ARHGAP15: variants seen among roughly 807,000 people sequenced by gnomAD.
ARHGAP15 encodes the protein Rho GTPase activating protein 15.
In ARHGAP15, 51 loss-of-function variants were observed where a neutral mutation model predicts 63.7. The observed-to-expected ratio is 0.80, with a 90% CI of 0.64 to 1.01. The LOEUF (loss-of-function observed/expected upper bound fraction) is 1.01, where lower values mean the gene tolerates loss of function less well. ARHGAP15 is among the 50% of genes least tolerant of loss of function. ARHGAP15 has a pLI of 0.00. For synonymous variants in ARHGAP15, 191 were observed against 193.8 expected (o/e 0.99, Z 0.12); for missense variants, 560 against 564.6 (o/e 0.99, Z 0.08).
chr2:143,612,460 AC>A (rs1698293507), intron 11 of ARHGAP15, among the ~76,000 whole-genome samples: 1 of 152,204 alleles, frequency 6.6e-6, no homozygotes, highest in South Asian at 2.1e-4. Context: ...TGGTTCTGGG[AC>A]ATCCTTCCTC....
chr2:143,180,609 C>T (rs558941817), intron 2 of ARHGAP15, among the ~76,000 whole-genome samples: 10 of 152,300 alleles, frequency 6.6e-5, no homozygotes, highest in South Asian at 2.1e-4. Context: ...CAAATTACTT[C>T]GTCCAGATCC....
intron 12 of ARHGAP15, among the ~76,000 whole-genome samples, chr2:143,639,590 C>A (rs547861426): frequency 4.8e-4 from 73 of 152,182 alleles, no homozygotes; most frequent in African/African-American, 1.7e-3. Context: ...ATTCCAAATG[C>A]TTAAAGGTAG....
intron 6 of ARHGAP15, among the ~76,000 whole-genome samples, chr2:143,260,479 T>C (rs1352801989): frequency 6.6e-6 from 1 of 152,162 alleles, no homozygotes; most frequent in African/African-American, 2.4e-5. Context: ...AGTTTTCTTC[T>C]GAATTCTCAG....
At chr2:143,762,533 C>T (rs1686796347) in intron 13 of ARHGAP15, among the ~76,000 whole-genome samples, 1 of 152,070 alleles carries the variant, frequency 6.6e-6, no homozygotes, top group Non-Finnish European at 1.5e-5. Flanking sequence ...GCCAGGGTGG[C>T]ATAGGAGGAT....
At chr2:143,668,342 G>A (rs1682342777) in intron 12 of ARHGAP15, among the ~76,000 whole-genome samples, 1 of 151,844 alleles carries the variant, frequency 6.6e-6, no homozygotes, top group South Asian at 2.1e-4. Flanking sequence ...AAGTTAGGCG[G>A]CAGCTTTCAG....
At position 143,487,509 on chromosome 2, in the gene ARHGAP15, T is replaced by A. The variant is rs917883146; in HGVS notation, c.826+14T>A. ...GACTTATTAAAGGTACAGGTCATTT[T>A]ATACTTGTACTATAACTGTGATAAA... On this transcript the variant is annotated intron_variant, in intron 9 of 13. Transcript: ENST00000295095. 7 of 1,610,156 alleles carry A rather than the reference T, an allele frequency of 4.3e-6. No individual in the cohort carries two copies. Among genetic ancestry groups the A allele is most frequent in the Non-Finnish European group, 5.9e-6 (7 of 1,178,792 alleles).
At chr2:143,390,730 T>C (rs1687500868) in intron 6 of ARHGAP15, among the ~76,000 whole-genome samples, 1 of 37,522 alleles carries the variant, frequency 2.7e-5, no homozygotes, top group African/African-American at 8.1e-5. Flanking sequence ...GGAAAACACA[T>C]GCACACACAC....
At chr2:143,368,870 T>C (rs570031494) in intron 6 of ARHGAP15, among the ~76,000 whole-genome samples, 4 of 152,226 alleles carry the variant, frequency 2.6e-5, no homozygotes, top group South Asian at 2.1e-4. Context: ...CCAGTTTGCA[T>C]TGATGATTAG....
At chr2:143,743,873 C>A (rs1382863488) in intron 13 of ARHGAP15, among the ~76,000 whole-genome samples, 2 of 151,646 alleles carry the variant, frequency 1.3e-5, no homozygotes, top group Non-Finnish European at 2.9e-5. Context: ...GTTCTCTCTG[C>A]CTTCCAGAAG....
chr2:143,659,854 C>G (rs1159507330), intron 12 of ARHGAP15, among the ~76,000 whole-genome samples: 1 of 152,092 alleles, frequency 6.6e-6, no homozygotes, highest in Non-Finnish European at 1.5e-5. Flanking sequence ...GCCCATTTCT[C>G]TGGCACTTGG....
intron 6 of ARHGAP15, among the ~76,000 whole-genome samples, chr2:143,414,815 C>T (rs1174188194): frequency 6.6e-6 from 1 of 152,158 alleles, no homozygotes; most frequent in African/African-American, 2.4e-5. Flanking sequence ...TGCCTATAAT[C>T]CCATTACTTG....
intron 6 of ARHGAP15, among the ~76,000 whole-genome samples, chr2:143,393,589 G>A (rs1415461380): frequency 1.3e-5 from 2 of 152,122 alleles, no homozygotes; most frequent in African/African-American, 4.8e-5. Flanking sequence ...AAATTAGCCA[G>A]GCCTGGTGCT....
intron 11 of ARHGAP15, among the ~76,000 whole-genome samples, chr2:143,584,277 T>C (rs181140852): frequency 4.6e-5 from 7 of 152,306 alleles, no homozygotes; most frequent in Admixed American, 3.3e-4. Context: ...CTTAAAACTC[T>C]AGACGAGAAT....
intron 11 of ARHGAP15, among the ~76,000 whole-genome samples, chr2:143,599,494 TC>T (rs1697675597): frequency 2.6e-5 from 4 of 151,452 alleles, no homozygotes; most frequent in Middle Eastern, 6.9e-3. Context: ...AATCAGGAGT[TC>T]GAGACCAGCC....
intron 9 of ARHGAP15, among the ~76,000 whole-genome samples, chr2:143,503,092 C>A (rs1693145267): frequency 6.6e-6 from 1 of 152,206 alleles, no homozygotes; most frequent in African/African-American, 2.4e-5. Flanking sequence ...AGCCTTTTGG[C>A]TCAGCCTTTT....
intron 2 of ARHGAP15, among the ~76,000 whole-genome samples, chr2:143,189,826 T>C (rs1691610148): frequency 6.6e-6 from 1 of 152,092 alleles, no homozygotes; most frequent in Non-Finnish European, 1.5e-5. Flanking sequence ...TATTTTTTCC[T>C]CCAGAAATTT....
chr2:143,556,104 C>A (rs1432250209), intron 10 of ARHGAP15, among the ~76,000 whole-genome samples: 1 of 151,962 alleles, frequency 6.6e-6, no homozygotes, highest in Non-Finnish European at 1.5e-5. Context: ...GAGGTTTCCC[C>A]CCTACCCAGT....
chr2:143,371,553 T>G (rs1341182011), intron 6 of ARHGAP15, among the ~76,000 whole-genome samples: 8 of 152,178 alleles, frequency 5.3e-5, no homozygotes, highest in Non-Finnish European at 1.2e-4. Context: ...ACATTCAGAT[T>G]ATATACATAC....
At chr2:143,522,803 GA>G (rs1694111404) in intron 10 of ARHGAP15, among the ~76,000 whole-genome samples, 1 of 152,168 alleles carries the variant, frequency 6.6e-6, no homozygotes, top group Non-Finnish European at 1.5e-5. Flanking sequence ...GCTTGATGTA[GA>G]GGAAGGCATT....
Sources: gnomAD v4.1 joint callset for allele counts (sites outside exome capture counted in the v4.1 genomes callset) on GRCh38, gnomAD v4.1.1 for gene constraint, MANE v1.5 for transcripts, NCBI Gene and HGNC (gene_info 2026-07-23, HGNC 2026-07-21) for gene names.